TRHDE: variants seen among roughly 807,000 people sequenced by gnomAD.
The protein encoded by TRHDE is thyrotropin releasing hormone degrading enzyme, also known as thyrotropin-releasing hormone-degrading ectoenzyme.
TRHDE carries 72 observed loss-of-function variants against 125.7 expected under a neutral mutation model. That is an observed-to-expected ratio of 0.57 (90% confidence interval 0.47 to 0.70). TRHDE has a LOEUF of 0.70. Ranked by LOEUF, TRHDE falls within the 30% of genes least tolerant of loss-of-function variation. The probability of loss-of-function intolerance (pLI) is 0.00; values close to 1 mark genes in which losing one functional copy is unlikely to be tolerated. For synonymous variants in TRHDE, 509 were observed against 509.1 expected (o/e 1.00, Z 0.00); for missense variants, 1,110 against 1,327.1 (o/e 0.84, Z 2.54).
Position 72,273,569 on chromosome 12 carries a change from G to GGCGGTGCCCC in TRHDE, c.914+16_914+25dup, listed in dbSNP as rs766559875. ...CACGGGGAGAGAAGGTATGGAGGGA[G>GGCGGTGCCCC]GCGGTGCCCCGCGCTGCCCCACCCC... On this transcript the variant is annotated intron_variant, in intron 1 of 18. Coordinates refer to ENST00000261180, the MANE Select transcript of TRHDE (RefSeq NM_013381.3). This position sits in a 1 kb window ranked among gnomAD's most constrained non-coding sequence, Gnocchi z 5.3. The GGCGGTGCCCC allele has an allele frequency of 6.4e-7, 1 of 1,572,668 alleles. No homozygotes were observed. Among genetic ancestry groups the GGCGGTGCCCC allele is most frequent in the South Asian group, 1.1e-5 (1 of 89,136 alleles).
In TRHDE at chr12:72,605,997, T is replaced by G. The variant is rs1872426205; in HGVS notation, c.2322-12894T>G. On this transcript the variant is annotated intron_variant, in intron 12 of 18. Transcript: ENST00000261180. ...TCCTTCTTATGTTGTACAATCTACA[T>G]GAGACAGATGATAGGATATTTCTCT... 1.3e-5 allele frequency among the ~76,000 whole-genome samples: 2 copies of G among 152,314 alleles called. 1 individual carries two copies. The highest frequency in any genetic ancestry group is 4.1e-4 in the South Asian group (2 of 4,824).
intron 10 of TRHDE, among the ~76,000 whole-genome samples, chr12:72,569,427 A>C (rs1870615420): frequency 6.6e-6 from 1 of 152,174 alleles, no homozygotes; most frequent in Non-Finnish European, 1.5e-5. Context: ...AGATGCTGTT[A>C]ATTGATGTTA....
chr12:72,172,590 G>A (rs1377950383), intron 2 of TRHDE, among the ~76,000 whole-genome samples: 1 of 152,160 alleles, frequency 6.6e-6, no homozygotes, highest in Non-Finnish European at 1.5e-5. Context: ...GTAGTCATTA[G>A]GGATGGGCAC....
intron 2 of TRHDE, among the ~76,000 whole-genome samples, chr12:72,184,652 A>C: frequency 6.8e-6 from 1 of 147,074 alleles, no homozygotes; most frequent in African/African-American, 2.5e-5. Context: ...TTTTTTCCCT[A>C]CTCCTCCTCC....
At chr12:72,225,021 A>G (rs1878095567) in intron 2 of TRHDE, among the ~76,000 whole-genome samples, 1 of 152,166 alleles carries the variant, frequency 6.6e-6, no homozygotes, top group East Asian at 1.9e-4. Context: ...CACAAACTCC[A>G]TTTGCATTGA....
At chr12:72,340,344 G>A (rs956375497) in intron 2 of TRHDE, among the ~76,000 whole-genome samples, 4 of 152,120 alleles carry the variant, frequency 2.6e-5, no homozygotes, top group African/African-American at 7.2e-5. Flanking sequence ...TAAAGTGAAT[G>A]GCTGTGTGCA....
intron 3 of TRHDE, among the ~76,000 whole-genome samples, chr12:72,409,253 A>T (rs1462328984): frequency 1.3e-5 from 2 of 152,218 alleles, no homozygotes; most frequent in Non-Finnish European, 2.9e-5. Flanking sequence ...ATTAAATGGA[A>T]AAATGCTAAG....
chr12:72,660,615 A>G (rs2136116527), intron 18 of TRHDE, among the ~76,000 whole-genome samples: 2 of 152,304 alleles, frequency 1.3e-5, no homozygotes, highest in Non-Finnish European at 2.9e-5. Context: ...TTATGTTAGT[A>G]ATGCAACAAA....
chr12:72,316,575 G>C (rs541648282), intron 2 of TRHDE, among the ~76,000 whole-genome samples: 1 of 152,094 alleles, frequency 6.6e-6, no homozygotes, highest in Non-Finnish European at 1.5e-5. Context: ...GGAAAGTGCT[G>C]TCCTGCCTTT....
intron 2 of TRHDE, among the ~76,000 whole-genome samples, chr12:72,323,249 C>A (rs1869181334): frequency 6.6e-6 from 1 of 152,038 alleles, no homozygotes; most frequent in Admixed American, 6.6e-5. Context: ...AAATTAGATC[C>A]TATTGAGCAG....
chr12:72,377,976 T>C lies in TRHDE; in HGVS notation c.1189-19T>C, dbSNP rs986590270. ...AGTGCTAAAAGGCTAAAGTAACTTTTATATATATTTTTAATTAGGTACGAT... is the reference window on the plus strand; with the variant it reads ...AGTGCTAAAAGGCTAAAGTAACTTTCATATATATTTTTAATTAGGTACGAT... On this transcript the variant is annotated intron_variant, in intron 2 of 18. Coordinates refer to ENST00000261180, the MANE Select transcript of TRHDE (RefSeq NM_013381.3). The C allele has an allele frequency of 2.6e-6, 4 of 1,537,550 alleles. No homozygotes were observed. The highest frequency in any genetic ancestry group is 8.7e-7 in the Non-Finnish European group (1 of 1,145,412).
In TRHDE at chr12:72,211,025, G is replaced by A. The variant is rs538279333; in HGVS notation, n.279+105273G>A. 4.6e-5 allele frequency among the ~76,000 whole-genome samples: 7 copies of A among 152,134 alleles called. No individual in the cohort carries two copies. In the South Asian group the frequency reaches 8.3e-4, roughly 18 times the overall value. On this transcript the variant is annotated intron_variant and non_coding_transcript_variant, in intron 2 of 4. Transcript: ENST00000548156. Reference sequence around the variant, plus strand: ...GTAATTGATGCCTATCCATTGATTCGACCACCCTCCTAGACCTGACTCCTG... The same window carrying A: ...GTAATTGATGCCTATCCATTGATTCAACCACCCTCCTAGACCTGACTCCTG...
intron 10 of TRHDE, among the ~76,000 whole-genome samples, chr12:72,570,267 A>C (rs1870653750): frequency 6.6e-6 from 1 of 152,056 alleles, no homozygotes; most frequent in African/African-American, 2.4e-5. Context: ...ATGTATTTTT[A>C]TCTCTCACAG....
In TRHDE at chr12:72,489,827, A is replaced by G. The variant is rs1167359572; in HGVS notation, c.1585-9671A>G. On this transcript the variant is annotated intron_variant, in intron 5 of 18. Transcript: ENST00000261180. ...TAAAATGAGACTCTTGTCTTACACC[A>G]TCCATAGAAATCAACTCAAAATGGG... is the stretch of plus-strand genomic sequence containing the variant. Among the ~76,000 whole-genome samples, 3 of 152,008 alleles carry G rather than the reference A, an allele frequency of 2.0e-5. No homozygotes were observed. The South Asian group carries it at 6.2e-4, about 31-fold the overall frequency.
chr12:72,334,338 T>G (rs1869736337), intron 2 of TRHDE, among the ~76,000 whole-genome samples: 1 of 152,186 alleles, frequency 6.6e-6, no homozygotes, highest in Non-Finnish European at 1.5e-5. Flanking sequence ...ATAAGAACAG[T>G]GTATTTTCCA....
intron 12 of TRHDE, among the ~76,000 whole-genome samples, chr12:72,598,384 G>A (rs1872068351): frequency 1.3e-5 from 2 of 152,080 alleles, no homozygotes; most frequent in Non-Finnish European, 2.9e-5. Context: ...TTTTTTGCAT[G>A]TTTGATTTAT....
At chr12:72,371,454 A>G (rs1592396234) in intron 2 of TRHDE, among the ~76,000 whole-genome samples, 1 of 151,592 alleles carries the variant, frequency 6.6e-6, no homozygotes, top group East Asian at 1.9e-4. Context: ...GGTTAGTTAT[A>G]TATGTATACA....
chr12:72,462,531 G>C (rs979615139), intron 3 of TRHDE, among the ~76,000 whole-genome samples: 4 of 152,094 alleles, frequency 2.6e-5, no homozygotes, highest in African/African-American at 4.8e-5. Flanking sequence ...GCTATATTTA[G>C]CATGACTTGC....
At chr12:72,633,158 C>G (rs568371169) in intron 15 of TRHDE, among the ~76,000 whole-genome samples, 18 of 151,862 alleles carry the variant, frequency 1.2e-4, no homozygotes, top group African/African-American at 3.9e-4. Flanking sequence ...GTACATTTAC[C>G]TTAATTTTAA....
Sources: gnomAD v4.1 joint callset for allele counts (sites outside exome capture counted in the v4.1 genomes callset) on GRCh38, gnomAD v4.1.1 for gene constraint, Gnocchi (gnomAD v3.1) non-coding constraint, MANE v1.5 for transcripts, NCBI Gene and HGNC (gene_info 2026-07-23, HGNC 2026-07-21) for gene names.